DQX1: variants seen among roughly 807,000 people sequenced by gnomAD.
DQX1 encodes the protein ATP-dependent RNA helicase homolog DQX1.
In DQX1, 66 loss-of-function variants were observed where a neutral mutation model predicts 81.3. The ratio of observed to expected loss-of-function variants is 0.81; its 90% confidence interval spans 0.67 to 1.00. The LOEUF (loss-of-function observed/expected upper bound fraction) is 1.00. Among genes scored for constraint, DQX1 ranks in the 50% least tolerant of loss-of-function variants. DQX1 has a pLI of 0.00. For synonymous variants in DQX1, 290 were observed against 350.0 expected (o/e 0.83, Z 1.91); for missense variants, 798 against 867.9 (o/e 0.92, Z 1.01).
chr2:74,518,866 C>T (rs1356852382), intron 11 of DQX1, among the ~76,000 whole-genome samples, 174 bp downstream of exon 11: 1 of 152,220 alleles, frequency 6.6e-6, no homozygotes, highest in Non-Finnish European at 1.5e-5. Context: ...AGTGCATCTT[C>T]TCTTATAATG....
chr2:74,524,508 G>C (rs542849761), intron 3 of DQX1, among the ~76,000 whole-genome samples: 1 of 152,296 alleles, frequency 6.6e-6, no homozygotes, highest in African/African-American at 2.4e-5. Context: ...TACGCCAGCT[G>C]GGAAGTGAAA....
In DQX1 at chr2:74,524,009, G is replaced by C; in HGVS notation, c.730C>G (p.Arg244Gly). The C allele has an allele frequency of 1.2e-6, 2 of 1,614,126 alleles. No homozygotes were observed. The highest frequency in any genetic ancestry group is 1.7e-6 in the Non-Finnish European group (2 of 1,180,012). ...PIYWDTIPPDRVEAACQAVLE... is the reference protein window; with the variant it reads ...PIYWDTIPPDGVEAACQAVLE... ...ACTGCTTGGCAGGCAGCTTCCACCC[G>C]ATCAGGTGGGATGGTGTCCCAGTAG... is the stretch of plus-strand genomic sequence containing the variant. The change falls in exon 4 of 12, where the codon CGG becomes GGG. Residue 244 changes from arginine to glycine, a missense_variant. By Grantham distance (125) the Arg-to-Gly change is moderately radical. Transcript: ENST00000404568.
chr2:74,520,663 T>A (rs1018165553), intron 8 of DQX1, among the ~76,000 whole-genome samples: 1 of 150,874 alleles, frequency 6.6e-6, no homozygotes, highest in Non-Finnish European at 1.5e-5. Context: ...AGTTGTGGGG[T>A]TTTTTTTGTT....
rs758892134 is a variant in DQX1 at position 74,523,145 on chromosome 2, C to A, written c.1118G>T (p.Arg373Leu). ...PISKCQAEAR[R>L]LRARGFPPGS... ...TGGTGGGAACCCTCTTGCTCGCAAT[C>A]GTCTTGCCTCTGCCTGACACTTGCT... Residue 373 changes from arginine (R) to leucine (L), a missense_variant, in exon 6 of 12, where the codon CGA becomes CTA. By Grantham distance (102) the Arg-to-Leu change is moderately radical. Coordinates refer to ENST00000404568, the MANE Select transcript of DQX1 (RefSeq NM_133637.3). The A allele has an allele frequency of 5.0e-6, 8 of 1,614,180 alleles. No homozygotes were observed. The highest frequency in any genetic ancestry group is 5.9e-6 in the Non-Finnish European group (7 of 1,180,036).
intron 3 of DQX1, 43 bp from the exon 4 acceptor site, chr2:74,524,350 G>T: frequency 1.3e-6 from 2 of 1,564,706 alleles, no homozygotes; most frequent in South Asian, 2.3e-5. Context: ...TGTGGACACT[G>T]ACCAGCCCCA....
chr2:74,523,894 T>G, intron 4 of DQX1, 29 bp downstream of exon 4: 3 of 1,496,886 alleles, frequency 2.0e-6, no homozygotes, highest in Non-Finnish European at 2.7e-6. Flanking sequence ...TTTTGCAGGC[T>G]GTTTTTTTTG....
At position 74,523,421 on chromosome 2, in the gene DQX1, C is replaced by A. The variant is rs778924021; in HGVS notation, c.933G>T (p.Val311=). ...CCTTTCGGGCATCCATGTCCTCATA[C>A]ACAGCCTGAACGGCTCGTCCACAGT... is the stretch of plus-strand genomic sequence containing the variant. ...HPDCGRAVQA[V]YEDMDARKVV... Residue 311 remains valine (V), a synonymous_variant, in exon 5 of 12, where the codon GTG becomes GTT. Coordinates refer to ENST00000404568, the MANE Select transcript of DQX1 (RefSeq NM_133637.3). 7 of 1,614,214 alleles carry A rather than the reference C, an allele frequency of 4.3e-6. No individual in the cohort carries two copies. The highest frequency in any genetic ancestry group is 5.9e-6 in the Non-Finnish European group (7 of 1,180,042).
Position 74,523,402 on chromosome 2 carries a change from G to T in DQX1, c.952C>A (p.Arg318=), listed in dbSNP as rs573451528. 6.2e-7 allele frequency: 1 copy of T among 1,614,110 alleles called. No homozygotes were observed. Among genetic ancestry groups the T allele is most frequent in the South Asian group, 1.1e-5 (1 of 91,078 alleles). ...AGCCAGTGAGTGACCACAACCTTTC[G>T]GGCATCCATGTCCTCATACACAGCC... ...VQAVYEDMDA[R]KVVVTHWLAD... is the part of the protein sequence containing the mutation. The change falls in exon 5 of 12, where the codon CGA becomes AGA. Residue 318 remains arginine, a synonymous_variant. Transcript: ENST00000404568.
At chr2:74,524,561 T>C (rs1247089429) in intron 3 of DQX1, among the ~76,000 whole-genome samples, 3 of 152,124 alleles carry the variant, frequency 2.0e-5, no homozygotes, top group African/African-American at 7.2e-5. Context: ...GGCCCCTGGC[T>C]GGGATTCAAG....
At chr2:74,519,876 T>G (rs754633804) in intron 9 of DQX1, 39 bp downstream of exon 9, 1 of 1,602,684 alleles carries the variant, frequency 6.2e-7, no homozygotes, top group South Asian at 1.1e-5. Flanking sequence ...TTCCCCTCTT[T>G]GGAAAATCTG....
rs1283359673 is a variant in DQX1, at chr2:74,519,740, G to C, written c.1622C>G (p.Ala541Gly). ...TCGAGCCTGGCACCAAGCCTCATCT[G>C]CTCCACCTAGGAGAGGAAAGGGACC... Reference protein sequence around the residue: ...QVYEAFIQSGADEAWCQARGL... With the variant: ...QVYEAFIQSGGDEAWCQARGL... Residue 541 changes from alanine (A) to glycine (G), a missense_variant, in exon 10 of 12, where the codon GCA becomes GGA. Coordinates refer to ENST00000404568, the MANE Select transcript of DQX1 (RefSeq NM_133637.3). 2 of 1,614,042 alleles carry C rather than the reference G, an allele frequency of 1.2e-6. No individual in the cohort carries two copies. Among genetic ancestry groups the C allele is most frequent in the African/African-American group, 2.7e-5 (2 of 74,918 alleles).
chr2:74,525,094 C>T lies in DQX1; in HGVS notation c.346G>A (p.Ala116Thr), dbSNP rs745805009. ...LAARSLALRV[A>T]DEMDLTLGHE... is the part of the protein sequence containing the mutation. ...CCCAGGGTCAGGTCCATCTCATCAG[C>T]AACCCGCAGAGCCAGGCTCCGGGCT... Residue 116 changes from alanine to threonine, a missense_variant, in exon 3 of 12, where the codon GCT becomes ACT. Coordinates refer to ENST00000404568, the MANE Select transcript of DQX1 (RefSeq NM_133637.3). The surrounding 1 kb of genome is among the most constrained non-coding windows in gnomAD (Gnocchi z 4.1). 1.9e-6 allele frequency: 3 copies of T among 1,614,002 alleles called. No individual in the cohort carries two copies. In the Admixed American group the frequency reaches 5.0e-5, roughly 27 times the overall value.
At position 74,524,098 on chromosome 2, in the gene DQX1, G is replaced by C; in HGVS notation, c.641C>G (p.Ala214Gly). 6.2e-7 allele frequency: 1 copy of C among 1,614,148 alleles called. No individual in the cohort carries two copies. The highest frequency in any genetic ancestry group is 8.5e-7 in the Non-Finnish European group (1 of 1,180,036). The change falls in exon 4 of 12, where the codon GCT (alanine) becomes GGT (glycine). Residue 214 changes from alanine to glycine, a missense_variant. Transcript: ENST00000404568. Reference protein sequence around the residue: ...TDPALEPKLRAFWGNPPIVHI... With the variant: ...TDPALEPKLRGFWGNPPIVHI... The stretch of plus-strand genomic sequence containing the variant: ...CACAATAGGAGGATTGCCCCAGAAA[G>C]CTCGGAGCTTAGGTTCAAGGGCTGG...
In DQX1 at chr2:74,525,331, G is replaced by A. The variant is rs1572986776; in HGVS notation, c.238-129C>T. ...TCCCCTGGTCTTTCACCAGCCTCCA[G>A]GGCCAACCTAACCCATCCCATCTCT... On this transcript the variant is annotated intron_variant, in intron 2 of 11. Coordinates refer to ENST00000404568, the MANE Select transcript of DQX1 (RefSeq NM_133637.3). This position sits in a 1 kb window ranked among gnomAD's most constrained non-coding sequence, Gnocchi z 4.1. The A allele has an allele frequency of 7.9e-7, 1 of 1,265,900 alleles. No homozygotes were observed. Among genetic ancestry groups the A allele is most frequent in the Non-Finnish European group, 1.1e-6 (1 of 929,730 alleles). 78.4% of individuals were successfully genotyped at this position (1,265,900 alleles called of 1,614,324 possible). A position where few individuals can be genotyped will look rare whatever the true frequency, so the allele number is the denominator to read the frequency against.
rs765265274 is a variant in DQX1 at position 74,518,151 on chromosome 2, T to G, written c.*295A>C. 2.7e-4 allele frequency: 82 copies of G among 299,262 alleles called. 1 individual carries two copies. The highest frequency in any genetic ancestry group is 9.4e-4 in the Middle Eastern group (1 of 1,066). 18.5% of individuals were successfully genotyped at this position (299,262 alleles called of 1,614,324 possible). A position where few individuals can be genotyped will look rare whatever the true frequency, so the allele number is the denominator to read the frequency against. On this transcript the variant is annotated 3_prime_UTR_variant, in exon 12 of 12. Transcript: ENST00000404568. ...AAAACTTGGCATCATAGAAAAATCTTTTATAGATCACAAGGGAGTACAAGA... is the reference window on the plus strand; with the variant it reads ...AAAACTTGGCATCATAGAAAAATCTGTTATAGATCACAAGGGAGTACAAGA...
In DQX1 at chr2:74,524,307, C is replaced by T. The variant is rs747819690; in HGVS notation, c.432G>A (p.Arg144=). The T allele has an allele frequency of 1.2e-6, 2 of 1,609,118 alleles. No homozygotes were observed. The highest frequency in any genetic ancestry group is 4.5e-5 in the East Asian group (2 of 44,834). ...EDCTGPNTLL[R]FCWDRLLLQE... ...GCAGAAGCAGCCTGTCCCAGCAGAA[C>T]CTGTTGACATTGGTAGTGGGCAGAG... The change falls in exon 4 of 12, where the codon AGG becomes AGA. Residue 144 remains arginine (R), a splice_region_variant and synonymous_variant. Transcript: ENST00000404568.
chr2:74,519,137 T>A lies in DQX1; in HGVS notation c.1900A>T (p.Arg634Ter). 6.2e-7 allele frequency: 1 copy of A among 1,613,594 alleles called. No individual in the cohort carries two copies. The highest frequency in any genetic ancestry group is 8.5e-7 in the Non-Finnish European group (1 of 1,179,742). ...CATGGTGGGGGTCTGGCAGGAGCTCTGCGGCTTCGGTAGCAGCAGTATGAG... is the reference window on the plus strand; with the variant it reads ...CATGGTGGGGGTCTGGCAGGAGCTCAGCGGCTTCGGTAGCAGCAGTATGAG... Reference protein sequence around the residue: ...LSSYCCYRSRRAPARPPPWVL... With the variant: ...LSSYCCYRSR Residue 634 changes from arginine (R) to a stop codon, truncating the protein, a stop_gained, in exon 11 of 12, where the codon AGA becomes TGA. Transcript: ENST00000404568. LOFTEE classifies it high-confidence loss of function.
intron 6 of DQX1, 48 bp downstream of exon 6, chr2:74,523,071 G>A (rs2104339604): frequency 6.2e-7 from 1 of 1,614,002 alleles, no homozygotes. Flanking sequence ...GGGCTTGCAT[G>A]TTGGTGACTC....
chr2:74,519,992 GCTT>G lies in DQX1; in HGVS notation c.1535_1537del (p.Glu512del), dbSNP rs764265230. The G allele has an allele frequency of 6.8e-6, 11 of 1,614,206 alleles. No individual in the cohort carries two copies. Among genetic ancestry groups the G allele is most frequent in the South Asian group, 1.1e-5 (1 of 91,086 alleles). ...GTGTTCCAGGGCCCGACGCAGGGCAGCTTCTTCTGCACTGAGTGGAGGACGGGT... is the reference window on the plus strand; with the variant it reads ...GTGTTCCAGGGCCCGACGCAGGGCAGCTTCTGCACTGAGTGGAGGACGGGT... On this transcript the variant is annotated inframe_deletion, in exon 9 of 12. Coordinates refer to ENST00000404568, the MANE Select transcript of DQX1 (RefSeq NM_133637.3).
Sources: gnomAD v4.1 joint callset for allele counts (sites outside exome capture counted in the v4.1 genomes callset) on GRCh38, gnomAD v4.1.1 for gene constraint, Gnocchi (gnomAD v3.1) non-coding constraint, MANE v1.5 for transcripts, NCBI Gene and HGNC (gene_info 2026-07-23, HGNC 2026-07-21) for gene names.